The following IL1RAPL1 variants were observed in gnomAD, a reference collection of about 807,000 sequenced individuals.
IL1RAPL1 encodes the protein interleukin-1 receptor accessory protein-like 1.
In IL1RAPL1, 3 loss-of-function variants were observed where a neutral mutation model predicts 48.4. That is an observed-to-expected ratio of 0.06 (90% CI 0.03 to 0.16). The LOEUF (loss-of-function observed/expected upper bound fraction) is 0.16, where lower values mean the gene tolerates loss of function less well. Ranked by LOEUF, IL1RAPL1 falls within the 10% of genes least tolerant of loss-of-function variation. The pLI, the probability that IL1RAPL1 is intolerant of heterozygous loss-of-function variation, is 1.00. For missense variants in IL1RAPL1, 349 were observed against 530.6 expected (o/e 0.66, Z 3.36); for synonymous variants, 185 against 187.7 (o/e 0.99, Z 0.12).
chrX:29,454,521 A>G (rs1934716273), intron 5 of IL1RAPL1, among the ~76,000 whole-genome samples: 1 of 111,551 alleles, frequency 9.0e-6, no homozygotes, highest in African/African-American at 3.3e-5. Flanking sequence ...ACCACATATC[A>G]TAGCAAAATA....
chrX:29,570,394 C>A (rs188282164), intron 5 of IL1RAPL1, among the ~76,000 whole-genome samples: 1 of 112,444 alleles, frequency 8.9e-6, no homozygotes, highest in Non-Finnish European at 1.9e-5. Flanking sequence ...TACATGCTTT[C>A]TTAGAAAAAG....
At chrX:29,699,409 A>G (rs1434658213) in intron 6 of IL1RAPL1, among the ~76,000 whole-genome samples, 1 of 112,644 alleles carries the variant, frequency 8.9e-6, no homozygotes, top group Non-Finnish European at 1.9e-5. Flanking sequence ...GCTGGATTCT[A>G]TTACACAGTT....
intron 6 of IL1RAPL1, among the ~76,000 whole-genome samples, chrX:29,901,999 T>C (rs900414631): frequency 8.9e-6 from 1 of 112,296 alleles, no homozygotes; most frequent in African/African-American, 3.2e-5. Context: ...CTGATGTTTT[T>C]GTCAGAAAGC....
At chrX:28,877,845 T>C (rs1922411705) in intron 2 of IL1RAPL1, among the ~76,000 whole-genome samples, 1 of 112,218 alleles carries the variant, frequency 8.9e-6, no homozygotes, top group African/African-American at 3.2e-5. Context: ...TAAATTAGAC[T>C]AAACATCATT....
At chrX:29,456,926 A>C (rs1934745700) in intron 5 of IL1RAPL1, among the ~76,000 whole-genome samples, 2 of 111,014 alleles carry the variant, frequency 1.8e-5, no homozygotes, top group South Asian at 7.7e-4. Context: ...TGAGCCTGGA[A>C]GTTCACGACC....
chrX:29,802,899 ATATG>A (rs1487365831), intron 6 of IL1RAPL1, among the ~76,000 whole-genome samples: 5 of 60,963 alleles, frequency 8.2e-5, no homozygotes, highest in African/African-American at 3.8e-4. Context: ...GTATACATAT[ATATG>A]TGTATATATG....
chrX:28,738,927 A>G (rs968024810), intron 1 of IL1RAPL1, among the ~76,000 whole-genome samples: 3 of 110,962 alleles, frequency 2.7e-5, no homozygotes, highest in African/African-American at 6.6e-5. Flanking sequence ...TCTCCAACTC[A>G]TCTTCTACTT....
chrX:29,163,167 A>C (rs1406885973), intron 2 of IL1RAPL1, among the ~76,000 whole-genome samples: 3 of 111,685 alleles, frequency 2.7e-5, no homozygotes, highest in Non-Finnish European at 1.9e-5. Context: ...GTTCAAAGTC[A>C]GGAAGATATT....
intron 3 of IL1RAPL1, among the ~76,000 whole-genome samples, chrX:29,358,426 G>C (rs1223595357): frequency 1.8e-5 from 2 of 108,463 alleles, no homozygotes; most frequent in Non-Finnish European, 3.8e-5. Flanking sequence ...CACACACACA[G>C]AGTAACAAAT....
At chrX:29,632,994 A>G (rs776541737) in intron 5 of IL1RAPL1, among the ~76,000 whole-genome samples, 1 of 111,975 alleles carries the variant, frequency 8.9e-6, no homozygotes, top group South Asian at 3.7e-4. Flanking sequence ...GGTTGAACAT[A>G]TATAATTCAT....
chrX:29,793,330 T>C (rs34662635), intron 6 of IL1RAPL1, among the ~76,000 whole-genome samples: 3,847 of 112,430 alleles, frequency 0.034, 74 homozygotes, highest in South Asian at 0.058. Context: ...TTTCATTGTA[T>C]TTATTAATAT....
At chrX:29,905,216 G>T (rs745648506) in intron 6 of IL1RAPL1, among the ~76,000 whole-genome samples, 18 of 106,941 alleles carry the variant, frequency 1.7e-4, no homozygotes, top group Middle Eastern at 4.9e-3. Context: ...TTTTGATGGG[G>T]TTTTTTTTTT....
intron 2 of IL1RAPL1, among the ~76,000 whole-genome samples, chrX:28,868,044 C>T (rs188357079): frequency 1.1e-3 from 122 of 111,606 alleles, no homozygotes; most frequent in African/African-American, 3.7e-3. Context: ...TTGATATGTT[C>T]TCACAATCTT....
At chrX:29,496,244 G>C (rs1260144753) in intron 5 of IL1RAPL1, among the ~76,000 whole-genome samples, 1 of 110,593 alleles carries the variant, frequency 9.0e-6, no homozygotes, top group Non-Finnish European at 1.9e-5. Flanking sequence ...ACCATAATTT[G>C]ATACAATTAA....
At chrX:29,549,280 G>A (rs1921726708) in intron 5 of IL1RAPL1, among the ~76,000 whole-genome samples, 1 of 111,274 alleles carries the variant, frequency 9.0e-6, no homozygotes, top group South Asian at 3.8e-4. Context: ...TCATCTCTCT[G>A]TCTAGTCACC....
At chrX:29,080,151 C>T (rs911210968) in intron 2 of IL1RAPL1, among the ~76,000 whole-genome samples, 7 of 110,211 alleles carry the variant, frequency 6.4e-5, no homozygotes, top group African/African-American at 2.0e-4. Flanking sequence ...TTTTAGGAGG[C>T]GGAGACAGAA....
At chrX:28,773,051 TTCTTATAATATCTC>T (rs1452927277) in intron 1 of IL1RAPL1, among the ~76,000 whole-genome samples, 1 of 109,864 alleles carries the variant, frequency 9.1e-6, no homozygotes, top group Non-Finnish European at 1.9e-5. Context: ...TAATCCTTTT[TTCTTATAATATCTC>T]TCTCTCTCTC....
intron 1 of IL1RAPL1, among the ~76,000 whole-genome samples, chrX:28,641,402 T>A (rs1241900196): frequency 5.4e-5 from 6 of 111,563 alleles, no homozygotes; most frequent in African/African-American, 2.0e-4. Flanking sequence ...CCTCATTCTT[T>A]TTTATGGCTG....
Position 29,758,707 on chromosome X carries a change from AAT to A in IL1RAPL1, c.778+90205_778+90206del, listed in dbSNP as rs200895150. Among the ~76,000 whole-genome samples the A allele has an allele frequency of 7.2e-3, 681 of 94,563 alleles. 3 individuals carry two copies. The highest frequency in any genetic ancestry group is 0.025 in the African/African-American group (646 of 26,109). 82.1% of individuals were successfully genotyped at this position (94,563 alleles called of 115,157 possible). ...GCAAAACTCTTCTCAAAAAAAAAAA[AAT>A]AATAATAATAATACAAATTTTCTCT... On this transcript the variant is annotated intron_variant, in intron 6 of 10. Transcript: ENST00000378993.
Sources: allele counts gnomAD v4.1 joint callset (sites outside exome capture counted in the v4.1 genomes callset), GRCh38; gene constraint gnomAD v4.1.1; transcripts MANE v1.5; gene names NCBI Gene and HGNC (gene_info 2026-07-23, HGNC 2026-07-21).